The following PTK2 variants were observed in gnomAD, a reference collection of about 807,000 sequenced individuals.
The protein encoded by PTK2 is focal adhesion kinase 1.
In PTK2, 45 loss-of-function variants were observed where a neutral mutation model predicts 150.1. The ratio of observed to expected loss-of-function variants is 0.30; its 90% CI spans 0.24 to 0.38. The LOEUF (loss-of-function observed/expected upper bound fraction) is 0.38. PTK2 is among the 10% of genes least tolerant of loss of function. The pLI is 1.00. For synonymous variants in PTK2, 432 were observed against 449.2 expected (o/e 0.96, Z 0.48); for missense variants, 919 against 1,307.3 (o/e 0.70, Z 4.58).
intron 26 of PTK2, chr8:140,686,920 A>G (rs2100020257): frequency 1.9e-6 from 1 of 531,854 alleles, no homozygotes; most frequent in Non-Finnish European, 3.4e-6. Flanking sequence ...TGGTACCTGC[A>G]CTGGCCCACC....
At chr8:140,712,038 A>C (rs1348467543) in intron 23 of PTK2, among the ~76,000 whole-genome samples, 1 of 152,210 alleles carries the variant, frequency 6.6e-6, no homozygotes, top group Non-Finnish European at 1.5e-5. Flanking sequence ...CAAACATTTA[A>C]TCATTTTCAG....
At chr8:140,796,845 T>C (rs2100091904) in intron 12 of PTK2, among the ~76,000 whole-genome samples, 2 of 152,184 alleles carry the variant, frequency 1.3e-5, no homozygotes, top group Admixed American at 1.3e-4. Flanking sequence ...GACTTTTTAA[T>C]GCTTATAAAT....
chr8:140,846,889 T>A (rs2100125871), intron 5 of PTK2, among the ~76,000 whole-genome samples: 1 of 152,150 alleles, frequency 6.6e-6, no homozygotes, highest in African/African-American at 2.4e-5. Flanking sequence ...AAGATATAAA[T>A]AAATGTTTCT....
intron 8 of PTK2, among the ~76,000 whole-genome samples, chr8:140,828,836 G>A (rs2100113538): frequency 6.6e-6 from 1 of 152,108 alleles, no homozygotes; most frequent in Non-Finnish European, 1.5e-5. Context: ...GCAAGAGTAT[G>A]GGCCACCCAC....
At chr8:140,666,342 T>C (rs1441734529) in intron 30 of PTK2, among the ~76,000 whole-genome samples, 1 of 151,412 alleles carries the variant, frequency 6.6e-6, no homozygotes, top group Non-Finnish European at 1.5e-5. Context: ...TGAGACTCCA[T>C]CTCAAACAAA....
At chr8:140,676,015 C>A (rs2100013418) in intron 27 of PTK2, among the ~76,000 whole-genome samples, 1 of 152,170 alleles carries the variant, frequency 6.6e-6, no homozygotes, top group Non-Finnish European at 1.5e-5. Context: ...CCTAAGTGTC[C>A]ATCAATGAAT....
chr8:140,919,318 G>T (rs2100166506), intron 2 of PTK2, among the ~76,000 whole-genome samples: 1 of 152,174 alleles, frequency 6.6e-6, no homozygotes, highest in African/African-American at 2.4e-5. Flanking sequence ...CATTTGCTCT[G>T]ACAGCCAGCA....
At chr8:140,909,970 A>C (rs1009369300) in intron 2 of PTK2, among the ~76,000 whole-genome samples, 1 of 152,214 alleles carries the variant, frequency 6.6e-6, no homozygotes, top group African/African-American at 2.4e-5. Flanking sequence ...TCTTCCTTTA[A>C]AAATTTCTCC....
chr8:140,946,453 T>C (rs1042606913), intron 1 of PTK2, among the ~76,000 whole-genome samples: 10 of 152,130 alleles, frequency 6.6e-5, no homozygotes, highest in African/African-American at 2.2e-4. Context: ...AGGAGTTCAG[T>C]ATATAACTTT....
At chr8:140,786,873 A>G (rs148741306) in intron 14 of PTK2, among the ~76,000 whole-genome samples, 173 of 152,210 alleles carry the variant, frequency 1.1e-3, no homozygotes, top group African/African-American at 4.0e-3. Context: ...AATGATGAAA[A>G]GAGCAAGTCT....
At chr8:140,895,620 T>G (rs2100155874) in intron 2 of PTK2, among the ~76,000 whole-genome samples, 1 of 152,136 alleles carries the variant, frequency 6.6e-6, no homozygotes, top group African/African-American at 2.4e-5. Context: ...GGATGGTTAA[T>G]GCACAGAAAA....
intron 7 of PTK2, among the ~76,000 whole-genome samples, chr8:140,843,827 AAAT>A (rs1409333522): frequency 5.9e-5 from 9 of 152,340 alleles, no homozygotes; most frequent in African/African-American, 2.2e-4. Context: ...CATTTGTCAC[AAAT>A]AATAAACCAG....
chr8:140,838,457 T>C (rs919441027), intron 7 of PTK2, among the ~76,000 whole-genome samples: 2 of 152,174 alleles, frequency 1.3e-5, no homozygotes, highest in African/African-American at 4.8e-5. Flanking sequence ...GGCATCAGCC[T>C]TTACAATGGC....
intron 1 of PTK2, among the ~76,000 whole-genome samples, chr8:140,929,490 T>C (rs954973164): frequency 2.4e-4 from 36 of 152,266 alleles, no homozygotes; most frequent in African/African-American, 8.7e-4. Context: ...TGGCTTTATG[T>C]GTGTGTGTTT....
chr8:140,997,602 TA>T (rs2154610418), intron 1 of PTK2, among the ~76,000 whole-genome samples: 1 of 152,302 alleles, frequency 6.6e-6, no homozygotes, highest in African/African-American at 2.4e-5. Context: ...GCAAAAAGAT[TA>T]TGACTTGCTG....
intron 23 of PTK2, among the ~76,000 whole-genome samples, chr8:140,716,220 C>T (rs1295168612): frequency 3.9e-5 from 6 of 152,198 alleles, no homozygotes; most frequent in Non-Finnish European, 8.8e-5. Context: ...ATCCACTTGA[C>T]TTCAAGGCCT....
intron 22 of PTK2, among the ~76,000 whole-genome samples, chr8:140,720,791 T>C (rs13276886): frequency 0.35 from 53,143 of 152,122 alleles, 11,354 homozygotes; most frequent in Non-Finnish European, 0.48. Context: ...TCTTGCTCTG[T>C]TGCATAGGCT....
At chr8:140,836,039 C>T (rs775922428) in intron 7 of PTK2, among the ~76,000 whole-genome samples, 2 of 151,948 alleles carry the variant, frequency 1.3e-5, no homozygotes, top group Admixed American at 6.6e-5. Flanking sequence ...CAGCCACCCA[C>T]GACCCTGAAC....
At chr8:140,867,924 A>C (rs1039424376) in intron 4 of PTK2, among the ~76,000 whole-genome samples, 2 of 152,192 alleles carry the variant, frequency 1.3e-5, no homozygotes, top group Non-Finnish European at 2.9e-5. Flanking sequence ...CAGTTTCTTT[A>C]CATGTCTGTT....
Sources: gnomAD v4.1 joint callset for allele counts (sites outside exome capture counted in the v4.1 genomes callset) on GRCh38, gnomAD v4.1.1 for gene constraint, MANE v1.5 for transcripts, NCBI Gene and HGNC (gene_info 2026-07-23, HGNC 2026-07-21) for gene names.